Variants in EXT1 observed in about 807,000 individuals in gnomAD.
The protein encoded by EXT1 is exostosin glycosyltransferase 1, also known as exostosin-1.
A neutral mutation model predicts 82.5 loss-of-function variants in EXT1; 20 were observed. The observed-to-expected ratio is 0.24, with a 90% confidence interval of 0.17 to 0.35. The LOEUF is 0.35. EXT1 is among the 10% of genes least tolerant of loss of function. EXT1 has a pLI of 1.00. For missense variants in EXT1, 757 were observed against 936.5 expected (o/e 0.81, Z 2.50); for synonymous variants, 348 against 350.8 (o/e 0.99, Z 0.09).
intron 1 of EXT1, among the ~76,000 whole-genome samples, chr8:118,010,155 G>A (rs1370313433): frequency 3.3e-5 from 5 of 151,936 alleles, no homozygotes; most frequent in Admixed American, 1.3e-4. Flanking sequence ...GGCGGATCAC[G>A]AGGTCAGGAG....
chr8:117,932,918 G>A (rs1007238212), intron 1 of EXT1, among the ~76,000 whole-genome samples: 3 of 152,224 alleles, frequency 2.0e-5, no homozygotes, highest in Admixed American at 6.5e-5. Context: ...CCTATCCAAG[G>A]ACACCCAGAG....
intron 1 of EXT1, among the ~76,000 whole-genome samples, chr8:117,951,048 A>C (rs145244031): frequency 6.6e-6 from 1 of 152,382 alleles, no homozygotes. Flanking sequence ...ATGAATACAC[A>C]TTAGTTAAAA....
At chr8:117,837,796 G>A (rs538935952) in intron 1 of EXT1, among the ~76,000 whole-genome samples, 1 of 151,956 alleles carries the variant, frequency 6.6e-6, no homozygotes, top group East Asian at 1.9e-4. Context: ...GGAGAAAGAG[G>A]AGGTGAGAGA....
At chr8:117,851,673 A>G (rs932088891) in intron 1 of EXT1, among the ~76,000 whole-genome samples, 1 of 151,006 alleles carries the variant, frequency 6.6e-6, no homozygotes, top group African/African-American at 2.4e-5. Flanking sequence ...TATTTAATGC[A>G]TTTGTATGGA....
chr8:118,080,735 G>C (rs1817303557), intron 1 of EXT1, among the ~76,000 whole-genome samples: 1 of 152,096 alleles, frequency 6.6e-6, no homozygotes, highest in Admixed American at 6.6e-5. Context: ...TAAGTATATA[G>C]ATAAAAAGCA....
At chr8:118,089,296 A>G (rs1330259241) in intron 1 of EXT1, among the ~76,000 whole-genome samples, 1 of 152,214 alleles carries the variant, frequency 6.6e-6, no homozygotes, top group African/African-American at 2.4e-5. Flanking sequence ...GACTATAATC[A>G]AGAGTGAAAT....
rs752931018 is a variant in EXT1 at position 117,819,701 on chromosome 8, G to A, written c.1511C>T (p.Ala504Val). The A allele has an allele frequency of 1.9e-6, 3 of 1,612,680 alleles. No individual in the cohort carries two copies. Among genetic ancestry groups the A allele is most frequent in the Non-Finnish European group, 2.5e-6 (3 of 1,179,982 alleles). The stretch of plus-strand genomic sequence containing the variant: ...CTGGGCACAGTACTGGGACTTGGCT[G>A]CAGCCACGAGAAGCTTCAACACTGG... ...SQPVLKLLVA[A>V]AKSQYCAQII... Residue 504 changes from alanine to valine, a missense_variant, in exon 6 of 11, where the codon GCA becomes GTA. This residue lies in a region of EXT1 where 207 missense variants were observed against 224.2 expected (regional missense o/e 0.92). Coordinates refer to ENST00000378204, the MANE Select transcript of EXT1 (RefSeq NM_000127.3).
At chr8:118,109,051 C>G (rs1274867399) in intron 1 of EXT1, among the ~76,000 whole-genome samples, 1 of 152,124 alleles carries the variant, frequency 6.6e-6, no homozygotes, top group African/African-American at 2.4e-5. Flanking sequence ...GCGGCAACCC[C>G]ACCTACTAGG....
intron 1 of EXT1, among the ~76,000 whole-genome samples, chr8:117,876,400 C>A (rs914991433): frequency 1.3e-5 from 2 of 152,138 alleles, no homozygotes; most frequent in Non-Finnish European, 1.5e-5. Flanking sequence ...CAGAAACACC[C>A]AAATTTATTT....
intron 1 of EXT1, among the ~76,000 whole-genome samples, chr8:118,090,807 A>AAAAAAAAAC (rs1817510304): frequency 1.3e-5 from 2 of 148,640 alleles, no homozygotes; most frequent in African/African-American, 2.5e-5. Context: ...AAAAAAAAAA[A>AAAAAAAAAC]AAGCATGTGC....
At chr8:117,944,270 G>A (rs2129679571) in intron 1 of EXT1, among the ~76,000 whole-genome samples, 1 of 152,250 alleles carries the variant, frequency 6.6e-6, no homozygotes, top group East Asian at 1.9e-4. Context: ...TGTGGTGGCG[G>A]GCACATGTAA....
At chr8:117,957,786 C>T (rs543000495) in intron 1 of EXT1, among the ~76,000 whole-genome samples, 2 of 152,258 alleles carry the variant, frequency 1.3e-5, no homozygotes, top group Non-Finnish European at 2.9e-5. Context: ...AAAGTTTATT[C>T]TTTTCCTTCT....
intron 1 of EXT1, among the ~76,000 whole-genome samples, chr8:118,009,656 T>C (rs1815853353): frequency 6.6e-6 from 1 of 152,224 alleles, no homozygotes; most frequent in African/African-American, 2.4e-5. Context: ...GAGCTCTGCC[T>C]CCTGTCAGAT....
intron 1 of EXT1, among the ~76,000 whole-genome samples, chr8:117,955,847 G>A (rs1814575790): frequency 6.6e-6 from 1 of 152,154 alleles, no homozygotes; most frequent in African/African-American, 2.4e-5. Flanking sequence ...GCAGGACAAT[G>A]TGCCTGGCCC....
intron 1 of EXT1, among the ~76,000 whole-genome samples, chr8:117,948,574 G>A (rs11562739): frequency 0.015 from 2,352 of 152,278 alleles, 60 homozygotes; most frequent in African/African-American, 0.054. Flanking sequence ...CTTGCTGTGG[G>A]AGTTCTCTGT....
At chr8:117,810,694 T>C (rs1490854491) in intron 8 of EXT1, among the ~76,000 whole-genome samples, 1 of 152,186 alleles carries the variant, frequency 6.6e-6, no homozygotes, top group Non-Finnish European at 1.5e-5. Flanking sequence ...TGACCATTTG[T>C]TGCACCATGG....
chr8:117,978,030 G>C (rs1815105791), intron 1 of EXT1, among the ~76,000 whole-genome samples: 1 of 152,128 alleles, frequency 6.6e-6, no homozygotes, highest in African/African-American at 2.4e-5. Context: ...CTTAACTCAG[G>C]GTCTAAAATC....
chr8:118,100,060 G>T (rs1366525963), intron 1 of EXT1, among the ~76,000 whole-genome samples: 1 of 152,096 alleles, frequency 6.6e-6, no homozygotes, highest in African/African-American at 2.4e-5. Flanking sequence ...TAATATGAAT[G>T]GCTCTCCCCA....
In EXT1 at chr8:118,111,498, C is replaced by G; in HGVS notation, c.-452G>C. 1.9e-6 allele frequency: 1 copy of G among 532,660 alleles called. No homozygotes were observed. Among genetic ancestry groups the G allele is most frequent in the Non-Finnish European group, 3.3e-6 (1 of 304,962 alleles). The allele number at this position is 532,660 out of a possible 1,614,324, so 33.0% of individuals were successfully genotyped here. A position where few individuals can be genotyped will look rare whatever the true frequency, so the allele number is the denominator to read the frequency against. On this transcript the variant is annotated 5_prime_UTR_variant, in exon 1 of 11. Coordinates refer to ENST00000378204, the MANE Select transcript of EXT1 (RefSeq NM_000127.3). The stretch of plus-strand genomic sequence containing the variant: ...AGGCAACTTCAACTCATCCACCACT[C>G]TCCGTGCAGAGCACTCCGGTTCCAA...
Sources: gnomAD v4.1 joint callset for allele counts (sites outside exome capture counted in the v4.1 genomes callset) on GRCh38, gnomAD v4.1.1 for gene constraint, gnomAD v4.1.1 regional missense constraint, MANE v1.5 for transcripts, NCBI Gene and HGNC (gene_info 2026-07-23, HGNC 2026-07-21) for gene names.